Variants in CIMAP1C observed in about 807,000 individuals in gnomAD.
CIMAP1C encodes outer dense fiber of sperm tails 3 like 1.
chr15:75,726,217 G>A, the CIMAP1C span: 2 of 1,226,736 alleles, frequency 1.6e-6, no homozygotes, highest in Non-Finnish European at 2.4e-6. Flanking sequence ...GAGGTTGGGG[G>A]GTGGGGTGCA....
the CIMAP1C span, among the ~76,000 whole-genome samples, chr15:75,726,406 G>T: frequency 1.3e-5 from 2 of 152,184 alleles, no homozygotes; most frequent in African/African-American, 4.8e-5. Flanking sequence ...CTCCTGTTGT[G>T]GATGCAATAT....
At chr15:75,725,067 T>C in the CIMAP1C span, 2 of 1,418,436 alleles carry the variant, frequency 1.4e-6, no homozygotes, top group South Asian at 1.1e-5. Context: ...GCCTCTGACC[T>C]GGTGGGCCCA....
chr15:75,725,785 G>A, the CIMAP1C span, among the ~76,000 whole-genome samples: 2 of 152,310 alleles, frequency 1.3e-5, no homozygotes, highest in South Asian at 2.1e-4. Context: ...CAGCCACAGG[G>A]CTATTACTCC....
the CIMAP1C span, chr15:75,726,191 A>G: frequency 1.3e-6 from 1 of 799,846 alleles, no homozygotes. Context: ...GGTTATGGAC[A>G]GATGTTGGGG....
chr15:75,725,493 C>T, the CIMAP1C span, among the ~76,000 whole-genome samples: 13 of 152,220 alleles, frequency 8.5e-5, no homozygotes, highest in South Asian at 2.1e-4. Context: ...CCTTCAGCTC[C>T]GGTCGCCATG....
the CIMAP1C span, chr15:75,724,443 G>A: frequency 1.4e-6 from 1 of 703,746 alleles, no homozygotes; most frequent in Non-Finnish European, 2.6e-6. Context: ...CCTCCAAGCT[G>A]ACCCTCACAG....
chr15:75,726,202 GT>G, the CIMAP1C span: 1 of 1,233,502 alleles, frequency 8.1e-7, no homozygotes, highest in Non-Finnish European at 1.2e-6. Context: ...GATGTTGGGG[GT>G]TGGGAGGTTG....
the CIMAP1C span, chr15:75,726,093 C>T: frequency 6.2e-7 from 1 of 1,613,984 alleles, no homozygotes; most frequent in Non-Finnish European, 8.5e-7. Context: ...GCCTTGCTAT[C>T]TCTTGGATCC....
At chr15:75,724,177 C>A in the CIMAP1C span, 1 of 1,534,854 alleles carries the variant, frequency 6.5e-7, no homozygotes, top group Non-Finnish European at 9.0e-7. Flanking sequence ...GTAGCTGCTG[C>A]TGCTCCCTGC....
chr15:75,724,577 C>T, the CIMAP1C span, among the ~76,000 whole-genome samples: 1 of 152,204 alleles, frequency 6.6e-6, no homozygotes, highest in Non-Finnish European at 1.5e-5. Flanking sequence ...CCTCACTTCC[C>T]TTCAATTTTA....
At chr15:75,727,146 G>A in the CIMAP1C span, 1 of 1,614,044 alleles carries the variant, frequency 6.2e-7, no homozygotes, top group South Asian at 1.1e-5. Flanking sequence ...TACACGTTTG[G>A]CTACCGGCGC....
the CIMAP1C span, chr15:75,724,968 TG>T: frequency 1.7e-6 from 1 of 605,620 alleles, no homozygotes. Context: ...ACGAAGCAGC[TG>T]GATGGATGCT....
chr15:75,727,226 A>T, the CIMAP1C span: 15,337 of 1,613,734 alleles, frequency 9.5e-3, 453 homozygotes, highest in East Asian at 0.093. Context: ...GGGGCCCAAC[A>T]CCCCTGTCAG....
At chr15:75,725,350 A>G in the CIMAP1C span, 1 of 701,936 alleles carries the variant, frequency 1.4e-6, no homozygotes, top group South Asian at 1.7e-5. Flanking sequence ...GTCCAGAGGA[A>G]GCCAGCGGGG....
At chr15:75,727,007 T>G in the CIMAP1C span, 1 of 1,566,694 alleles carries the variant, frequency 6.4e-7, no homozygotes. Flanking sequence ...TAGCAGAGAA[T>G]GAGGTCTGTT....
chr15:75,724,465 T>G, the CIMAP1C span: 1 of 656,882 alleles, frequency 1.5e-6, no homozygotes, highest in Non-Finnish European at 2.8e-6. Context: ...CAGTGTTGGC[T>G]GCTGGGATTG....
the CIMAP1C span, among the ~76,000 whole-genome samples, chr15:75,725,595 A>G: frequency 6.6e-6 from 1 of 152,234 alleles, no homozygotes; most frequent in African/African-American, 2.4e-5. Context: ...CAGGTGGCCT[A>G]GAACCCACTG....
At chr15:75,724,458 T>C in the CIMAP1C span, 1 of 667,676 alleles carries the variant, frequency 1.5e-6, no homozygotes, top group African/African-American at 1.8e-5. Flanking sequence ...TCACAGGCAG[T>C]GTTGGCTGCT....
chr15:75,727,021 T>C, the CIMAP1C span: 1 of 1,589,592 alleles, frequency 6.3e-7, no homozygotes, highest in South Asian at 1.2e-5. Flanking sequence ...GTCTGTTCCC[T>C]GCTCTGAGAG....
Sources: allele counts gnomAD v4.1 joint callset (sites outside exome capture counted in the v4.1 genomes callset), GRCh38; gene constraint gnomAD v4.1.1; transcripts MANE v1.5; gene names NCBI Gene and HGNC (gene_info 2026-07-23, HGNC 2026-07-21).